MCAT: variants seen among roughly 807,000 people sequenced by gnomAD.
MCAT encodes malonyl-CoA-acyl carrier protein transacylase.
MCAT carries 22 observed loss-of-function variants against 22.9 expected under a neutral mutation model. The ratio of observed to expected loss-of-function variants is 0.96; its 90% confidence interval spans 0.69 to 1.37. The LOEUF is 1.37. Ranked by LOEUF, MCAT falls within the 40% of genes most tolerant of loss-of-function variation. The probability of loss-of-function intolerance (pLI) is 0.00; values close to 1 mark genes in which losing one functional copy is unlikely to be tolerated. For synonymous variants in MCAT, 240 were observed against 233.9 expected (o/e 1.03, Z -0.24); for missense variants, 534 against 533.6 (o/e 1.00, Z -0.01).
rs1239132183 is a variant in MCAT, at chr22:43,143,320, C to T, written c.29G>A (p.Trp10Ter). ...GTAGCTGGCGCCCAAGCCCCTGACC[C>T]ACGCTACCCGTGCGACCCGGACGCT... is the stretch of plus-strand genomic sequence containing the variant. MSVRVARVAWVRGLGASYRR... is the reference protein window; with the variant it reads MSVRVARVA The change falls in exon 1 of 4, where the codon TGG (tryptophan) becomes TAG (stop). Residue 10 changes from tryptophan (W) to a stop codon, truncating the protein, a stop_gained. Coordinates refer to ENST00000290429, the MANE Select transcript of MCAT (RefSeq NM_173467.5). LOFTEE classifies it high-confidence loss of function. The T allele has an allele frequency of 5.7e-6, 8 of 1,403,542 alleles. No homozygotes were observed. The East Asian group carries it at 2.1e-4, about 37-fold the overall frequency. The allele number at this position is 1,403,542 out of a possible 1,614,324, so 86.9% of individuals were successfully genotyped here.
intron 3 of MCAT, among the ~76,000 whole-genome samples, chr22:43,134,041 C>T (rs929476153): frequency 6.6e-6 from 1 of 152,208 alleles, no homozygotes; most frequent in African/African-American, 2.4e-5. Context: ...GCTGGGATTA[C>T]AGGCATGAGC....
rs1259276865 is a variant in MCAT at position 43,137,200 on chromosome 22, A to C, written c.610T>G (p.Phe204Val). ...LSVLGQPQSK[F>V]NFACLEAREH... ...CGGGCTTCCAAACAGGCGAAGTTGAACTTGGACTGAGGCTGGCCGAGGACA... is the reference window on the plus strand; with the variant it reads ...CGGGCTTCCAAACAGGCGAAGTTGACCTTGGACTGAGGCTGGCCGAGGACA... Residue 204 changes from phenylalanine to valine, a missense_variant, in exon 3 of 4, where the codon TTC becomes GTC. By Grantham distance (50) the Phe-to-Val change is conservative. Transcript: ENST00000290429. 6.2e-7 allele frequency: 1 copy of C among 1,614,072 alleles called. No homozygotes were observed. Among genetic ancestry groups the C allele is most frequent in the African/African-American group, 1.3e-5 (1 of 74,940 alleles).
At chr22:43,137,582 T>C (rs1930654387) in intron 2 of MCAT, among the ~76,000 whole-genome samples, 1 of 152,180 alleles carries the variant, frequency 6.6e-6, no homozygotes. Flanking sequence ...CCGGGGGCAG[T>C]GTCCGGAGAC....
At chr22:43,137,705 A>G (rs1930658802) in intron 2 of MCAT, among the ~76,000 whole-genome samples, 1 of 151,588 alleles carries the variant, frequency 6.6e-6, no homozygotes, top group East Asian at 1.9e-4. Flanking sequence ...GCCCCCAACA[A>G]AACAAATGAC....
chr22:43,136,259 A>C (rs993451862), intron 3 of MCAT, among the ~76,000 whole-genome samples: 3 of 152,144 alleles, frequency 2.0e-5, no homozygotes, highest in Non-Finnish European at 2.9e-5. Flanking sequence ...AACAAACAAA[A>C]AAAGAATCCC....
In MCAT at chr22:43,140,350, A is replaced by ATG. The variant is rs909173669; in HGVS notation, c.511+810_511+811dup. On this transcript the variant is annotated intron_variant, in intron 2 of 3. Coordinates refer to ENST00000290429, the MANE Select transcript of MCAT (RefSeq NM_173467.5). Reference sequence around the variant, plus strand: ...CCACTAAGTGCAGCTAATTTTGTGTATGTGTGTGTGTGTGACAGGGTGTCA... The same window carrying ATG: ...CCACTAAGTGCAGCTAATTTTGTGTATGTGTGTGTGTGTGTGACAGGGTGTCA... 1.2e-4 allele frequency among the ~76,000 whole-genome samples: 18 copies of ATG among 151,444 alleles called. No homozygotes were observed. In the East Asian group the frequency reaches 1.6e-3, roughly 13 times the overall value.
rs768006974 is a variant in MCAT at position 43,133,082 on chromosome 22, G to C, written c.1134C>G (p.Leu378=). The C allele has an allele frequency of 7.4e-6, 12 of 1,614,124 alleles. No individual in the cohort carries two copies. The highest frequency in any genetic ancestry group is 1.0e-5 in the Non-Finnish European group (12 of 1,180,022). The change falls in exon 4 of 4, where the codon CTC becomes CTG. Residue 378 remains leucine (L), a synonymous_variant. Coordinates refer to ENST00000290429, the MANE Select transcript of MCAT (RefSeq NM_173467.5). The part of the protein sequence containing the change: ...SYSAVDVLQT[L]EHVDLDPQEP... Reference sequence around the variant, plus strand: ...CCTGAGGGTCCAGGTCCACATGTTCGAGGGTCTGCAGCACATCCACGGCGC... The same window carrying C: ...CCTGAGGGTCCAGGTCCACATGTTCCAGGGTCTGCAGCACATCCACGGCGC...
rs1379590715 is a variant in MCAT, at chr22:43,142,993, T to C, written c.356A>G (p.His119Arg). Reference protein sequence around the residue: ...GPQETLDRTVHCQPAIFVASL... With the variant: ...GPQETLDRTVRCQPAIFVASL... ...TGCCACGAAGATCGCGGGCTGACAG[T>C]GCACGGTGCGGTCCAGGGTCTCCTG... Residue 119 changes from histidine to arginine, a missense_variant, in exon 1 of 4, where the codon CAC becomes CGC. Coordinates refer to ENST00000290429, the MANE Select transcript of MCAT (RefSeq NM_173467.5). 2 of 1,605,456 alleles carry C rather than the reference T, an allele frequency of 1.2e-6. No homozygotes were observed. Among genetic ancestry groups the C allele is most frequent in the Non-Finnish European group, 1.7e-6 (2 of 1,176,610 alleles).
At chr22:43,142,829 T>G (rs957492708) in intron 1 of MCAT, 97 bp downstream of exon 1, 1 of 1,267,548 alleles carries the variant, frequency 7.9e-7, no homozygotes, top group Non-Finnish European at 1.0e-6. Context: ...GAGTAAGACG[T>G]GGGAGCCCCC....
chr22:43,141,866 C>T (rs1054545507), intron 1 of MCAT, among the ~76,000 whole-genome samples: 1 of 152,198 alleles, frequency 6.6e-6, no homozygotes, highest in Non-Finnish European at 1.5e-5. Context: ...GCGTGAGCCA[C>T]CTCGCCCGGC....
intron 2 of MCAT, among the ~76,000 whole-genome samples, chr22:43,138,908 T>G (rs1022326413): frequency 6.6e-6 from 1 of 152,184 alleles, no homozygotes; most frequent in African/African-American, 2.4e-5. Flanking sequence ...TCCTGACATA[T>G]CTTCATTCAC....
At chr22:43,136,992 C>G in intron 3 of MCAT, 89 bp downstream of exon 3, 1 of 1,151,970 alleles carries the variant, frequency 8.7e-7, no homozygotes, top group Non-Finnish European at 1.3e-6. Context: ...GACCCAGCAC[C>G]CGCCAGACTG....
chr22:43,136,257 A>G (rs897444513), intron 3 of MCAT, among the ~76,000 whole-genome samples: 1 of 152,180 alleles, frequency 6.6e-6, no homozygotes, highest in African/African-American at 2.4e-5. Context: ...CAAACAAACA[A>G]AAAAAGAATC....
intron 3 of MCAT, among the ~76,000 whole-genome samples, chr22:43,134,582 C>T (rs1210008135): frequency 6.6e-6 from 1 of 152,176 alleles, no homozygotes; most frequent in Non-Finnish European, 1.5e-5. Context: ...TCAAGTCATC[C>T]ACCTGCTTTA....
At chr22:43,139,205 A>G (rs1019594700) in intron 2 of MCAT, among the ~76,000 whole-genome samples, 3 of 152,196 alleles carry the variant, frequency 2.0e-5, no homozygotes, top group Non-Finnish European at 4.4e-5. Context: ...CCACAGAGAC[A>G]TTCAAAACTA....
At position 43,137,214 on chromosome 22, in the gene MCAT, T is replaced by C; in HGVS notation, c.596A>G (p.Gln199Arg). 2 of 1,614,208 alleles carry C rather than the reference T, an allele frequency of 1.2e-6. No homozygotes were observed. Among genetic ancestry groups the C allele is most frequent in the Non-Finnish European group, 1.7e-6 (2 of 1,180,034 alleles). ...GGCGAAGTTGAACTTGGACTGAGGC[T>C]GGCCGAGGACAGACAGCATCCCACT... ...VPSGMLSVLG[Q>R]PQSKFNFACL... is the part of the protein sequence containing the mutation. Residue 199 changes from glutamine (Q) to arginine (R), a missense_variant, in exon 3 of 4, where the codon CAG becomes CGG. By Grantham distance (43) the Gln-to-Arg change is conservative. Transcript: ENST00000290429.
At chr22:43,142,853 G>A (rs1601746331) in intron 1 of MCAT, 73 bp downstream of exon 1, 2 of 1,379,664 alleles carry the variant, frequency 1.4e-6, no homozygotes, top group African/African-American at 3.0e-5. Flanking sequence ...ATGGCAGGCG[G>A]AAGCCTCTGG....
chr22:43,141,699 G>A (rs971805859), intron 1 of MCAT, among the ~76,000 whole-genome samples: 1 of 152,124 alleles, frequency 6.6e-6, no homozygotes, highest in African/African-American at 2.4e-5. Context: ...AGCCTCCCGA[G>A]TTGCTGGGAT....
rs1369478525 is a variant in MCAT, at chr22:43,137,612, TA to T, written c.512-315del. Among the ~76,000 whole-genome samples, 6 of 152,150 alleles carry T rather than the reference TA, an allele frequency of 3.9e-5. No individual in the cohort carries two copies. The South Asian group carries it at 8.3e-4, about 21-fold the overall frequency. ...GGAGACGTTTTCCGGTTGTTCTGAC[TA>T]GGGGAGAGTGCCACTGACGTCTAGT... On this transcript the variant is annotated intron_variant, in intron 2 of 3. Transcript: ENST00000290429.
Sources: allele counts gnomAD v4.1 joint callset (sites outside exome capture counted in the v4.1 genomes callset), GRCh38; gene constraint gnomAD v4.1.1; transcripts MANE v1.5; gene names NCBI Gene and HGNC (gene_info 2026-07-23, HGNC 2026-07-21).